XDH: variants seen among roughly 807,000 people sequenced by gnomAD.
XDH encodes the protein xanthine dehydrogenase/oxidase.
A neutral mutation model predicts 156.1 loss-of-function variants in XDH; 138 were observed. The ratio of observed to expected loss-of-function variants is 0.88; its 90% confidence interval spans 0.77 to 1.02. The LOEUF is 1.02. Ranked by LOEUF, XDH falls within the 50% of genes least tolerant of loss-of-function variation. The pLI is 0.00. For synonymous variants in XDH, 669 were observed against 625.7 expected (o/e 1.07, Z -1.03); for missense variants, 1,849 against 1,684.9 (o/e 1.10, Z -1.71).
chr2:31,358,957 G>GA (rs1022494193), intron 24 of XDH, among the ~76,000 whole-genome samples: 4 of 151,896 alleles, frequency 2.6e-5, no homozygotes, highest in Non-Finnish European at 5.9e-5. Flanking sequence ...TGGAAAGGAA[G>GA]AAAAAAACCA....
At chr2:31,363,499 C>T (rs1433526951) in intron 24 of XDH, among the ~76,000 whole-genome samples, 1 of 152,154 alleles carries the variant, frequency 6.6e-6, no homozygotes, top group East Asian at 1.9e-4. Context: ...TGCAAGACAT[C>T]ATTCTGGGGT....
chr2:31,337,885 CCT>C, intron 34 of XDH, 68 bp from the exon 35 acceptor site: 1 of 1,553,506 alleles, frequency 6.4e-7, no homozygotes, highest in Non-Finnish European at 8.8e-7. Flanking sequence ...ATCAAGTGGA[CCT>C]AGGAGGCCAG....
rs372057455 is a variant in XDH at position 31,368,560 on chromosome 2, G to T, written c.2081C>A (p.Pro694Gln). ...QGVKITYEEL[P>Q]AIITIEDAIK... The stretch of plus-strand genomic sequence containing the variant: ...AGTTACCTCAATTGTGATAATGGCT[G>T]GTAGTTCTTCATAGGTGATTTTCAC... Residue 694 changes from proline (P) to glutamine (Q), a missense_variant, in exon 19 of 36, where the codon CCA (proline) becomes CAA (glutamine). Coordinates refer to ENST00000379416, the MANE Select transcript of XDH (RefSeq NM_000379.4). The T allele has an allele frequency of 6.2e-7, 1 of 1,614,182 alleles. No homozygotes were observed. The highest frequency in any genetic ancestry group is 1.3e-5 in the African/African-American group (1 of 75,044).
intron 24 of XDH, among the ~76,000 whole-genome samples, chr2:31,353,888 C>G (rs560303464): frequency 6.6e-6 from 1 of 152,100 alleles, no homozygotes; most frequent in Non-Finnish European, 1.5e-5. Flanking sequence ...GAGACCAGAT[C>G]GGGAGTCAAG....
intron 6 of XDH, among the ~76,000 whole-genome samples, chr2:31,395,915 A>G (rs887326855): frequency 2.0e-5 from 3 of 152,198 alleles, no homozygotes; most frequent in Admixed American, 6.5e-5. Flanking sequence ...TACCTGTTTA[A>G]TGGTTCCTCC....
chr2:31,403,290 G>T, intron 2 of XDH, 146 bp from the exon 3 acceptor site: 1 of 812,756 alleles, frequency 1.2e-6, no homozygotes, highest in Non-Finnish European at 2.0e-6. Context: ...AGGCCCACTG[G>T]CCTCCTTATT....
intron 31 of XDH, 106 bp downstream of exon 31, chr2:31,344,578 G>A (rs1014314187): frequency 3.9e-6 from 5 of 1,276,374 alleles, no homozygotes; most frequent in Non-Finnish European, 5.7e-6. Flanking sequence ...GATAAGTGGA[G>A]CTGCTCTCTC....
chr2:31,336,727 G>C (rs1453877121), intron 35 of XDH, among the ~76,000 whole-genome samples: 1 of 150,144 alleles, frequency 6.7e-6, no homozygotes, highest in South Asian at 2.1e-4. Flanking sequence ...TGGTGGATTT[G>C]TCTGCCCCTG....
intron 20 of XDH, among the ~76,000 whole-genome samples, chr2:31,367,247 C>A (rs922302594): frequency 1.3e-5 from 2 of 152,218 alleles, no homozygotes; most frequent in Non-Finnish European, 2.9e-5. Flanking sequence ...GTCCAAAGTT[C>A]TCTTCTCACT....
At chr2:31,347,484 C>A in intron 29 of XDH, 38 bp downstream of exon 29, 1 of 1,612,504 alleles carries the variant, frequency 6.2e-7, no homozygotes, top group Non-Finnish European at 8.5e-7. Context: ...CAGCTCTGGG[C>A]TGGCCCTCTG....
chr2:31,336,938 G>T (rs1684983638), intron 35 of XDH, among the ~76,000 whole-genome samples: 1 of 149,998 alleles, frequency 6.7e-6, no homozygotes, highest in Non-Finnish European at 1.5e-5. Flanking sequence ...TCAGAGGCTG[G>T]GCTGGTTCTG....
chr2:31,364,211 G>A lies in XDH; in HGVS notation c.2578C>T (p.Leu860Phe). The A allele has an allele frequency of 6.2e-7, 1 of 1,614,166 alleles. No homozygotes were observed. Reference protein sequence around the residue: ...GFMKTGTVVALEVDHFSNVGN... With the variant: ...GFMKTGTVVAFEVDHFSNVGN... ...ACATTGCTGAAGTGGTCCACCTCAA[G>A]AGCCACAACTGTCCCAGTCTTCATG... The change falls in exon 24 of 36, where the codon CTT (leucine) becomes TTT (phenylalanine). Residue 860 changes from leucine to phenylalanine, a missense_variant. By Grantham distance (22) the Leu-to-Phe change is conservative. Coordinates refer to ENST00000379416, the MANE Select transcript of XDH (RefSeq NM_000379.4).
chr2:31,392,717 C>T (rs1412636791), intron 6 of XDH, among the ~76,000 whole-genome samples: 2 of 152,194 alleles, frequency 1.3e-5, no homozygotes, highest in Non-Finnish European at 2.9e-5. Flanking sequence ...GCCGTCGTGC[C>T]TGGTGGATTA....
Position 31,349,798 on chromosome 2 carries a change from G to C in XDH, c.2857C>G (p.Leu953Val), listed in dbSNP as rs1426501231. The C allele has an allele frequency of 1.2e-6, 2 of 1,614,124 alleles. No homozygotes were observed. Among genetic ancestry groups the C allele is most frequent in the African/African-American group, 1.3e-5 (1 of 75,020 alleles). ...TCAAGCTTCTGGTTGAAGTGTGTCA[G>C]GTCCCCTTCTTTGTACAGGTTTTTT... ...RRKNLYKEGD[L>V]THFNQKLEGF... The change falls in exon 26 of 36, where the codon CTG becomes GTG. Residue 953 changes from leucine to valine, a missense_variant. By Grantham distance (32) the Leu-to-Val change is conservative (BLOSUM62 1). Transcript: ENST00000379416.
chr2:31,379,173 C>A (rs1224401180), intron 13 of XDH, among the ~76,000 whole-genome samples: 1 of 152,148 alleles, frequency 6.6e-6, no homozygotes, highest in Non-Finnish European at 1.5e-5. Context: ...AAGACCCACA[C>A]CAGGTCAAGA....
chr2:31,351,501 C>A (rs967173493), intron 24 of XDH, among the ~76,000 whole-genome samples: 2 of 152,144 alleles, frequency 1.3e-5, no homozygotes, highest in African/African-American at 4.8e-5. Flanking sequence ...CAGCTGTTAC[C>A]TAAGGATTTA....
chr2:31,340,693 C>G (rs1685103227), intron 33 of XDH, among the ~76,000 whole-genome samples: 1 of 152,182 alleles, frequency 6.6e-6, no homozygotes, highest in Non-Finnish European at 1.5e-5. Flanking sequence ...TGGTCTCGAA[C>G]TCCTGATCTC....
At chr2:31,391,596 A>T (rs189585488) in intron 6 of XDH, among the ~76,000 whole-genome samples, 1 of 152,222 alleles carries the variant, frequency 6.6e-6, no homozygotes, top group Admixed American at 6.5e-5. Context: ...AACAACTGAC[A>T]TCTTGACATA....
At chr2:31,385,588 T>C (rs1686567130) in intron 9 of XDH, among the ~76,000 whole-genome samples, 5 of 152,326 alleles carry the variant, frequency 3.3e-5, no homozygotes, top group East Asian at 1.9e-4. Context: ...CCTTAGATCC[T>C]CACTAGGCTT....
Sources: allele counts gnomAD v4.1 joint callset (sites outside exome capture counted in the v4.1 genomes callset), GRCh38; gene constraint gnomAD v4.1.1; transcripts MANE v1.5; gene names NCBI Gene and HGNC (gene_info 2026-07-23, HGNC 2026-07-21).